The following PRKCI variants were observed in gnomAD, a reference collection of about 807,000 sequenced individuals.
The protein encoded by PRKCI is protein kinase C iota, also known as protein kinase C iota type.
In PRKCI, 43 loss-of-function variants were observed where a neutral mutation model predicts 84.0. That is an observed-to-expected ratio of 0.51 (90% CI 0.40 to 0.66). The LOEUF is 0.66. PRKCI is among the 30% of genes least tolerant of loss of function. The pLI is 0.00. For missense variants in PRKCI, 459 were observed against 745.6 expected (o/e 0.62, Z 4.48); for synonymous variants, 216 against 234.4 (o/e 0.92, Z 0.72).
chr3:170,280,465 G>A (rs1228794972), intron 9 of PRKCI, 62 bp downstream of exon 9: 79 of 1,346,818 alleles, frequency 5.9e-5, no homozygotes, highest in Non-Finnish European at 6.7e-5. Flanking sequence ...TTTTTTTTTT[G>A]AAACGGAGTT....
intron 16 of PRKCI, among the ~76,000 whole-genome samples, chr3:170,298,015 G>A (rs964886183): frequency 1.3e-5 from 2 of 151,724 alleles, no homozygotes; most frequent in African/African-American, 4.8e-5. Flanking sequence ...TGGGATTACA[G>A]GCACACGCCA....
intron 12 of PRKCI, among the ~76,000 whole-genome samples, chr3:170,286,238 A>T (rs28677980): frequency 0.12 from 17,664 of 151,730 alleles, 2,472 homozygotes; most frequent in African/African-American, 0.34. Context: ...TTACGTATTT[A>T]TATTATACAA....
chr3:170,298,940 G>A lies in PRKCI; in HGVS notation c.1588-55G>A, dbSNP rs112018759. ...AATGAGTGCAGAGGAGAACTGTAGA[G>A]GTGGAGTTTTTCTAAGAATACAGAC... is the stretch of plus-strand genomic sequence containing the variant. On this transcript the variant is annotated intron_variant, in intron 16 of 17. Coordinates refer to ENST00000295797, the MANE Select transcript of PRKCI (RefSeq NM_002740.6). 272 of 1,139,386 alleles carry A rather than the reference G, an allele frequency of 2.4e-4. No individual in the cohort carries two copies. In the African/African-American group the frequency reaches 3.7e-3, roughly 15 times the overall value. The allele number at this position is 1,139,386 out of a possible 1,614,324, so 70.6% of individuals were successfully genotyped here.
In PRKCI at chr3:170,252,021, C is replaced by T. The variant is rs374165768; in HGVS notation, c.224-7948C>T. On this transcript the variant is annotated intron_variant, in intron 2 of 17. Transcript: ENST00000295797. Reference sequence around the variant, plus strand: ...CTGAGGTCAGGAGATCGATACCATCCTGGCTAACACAGAGAAACCCTGTCT... The same window carrying T: ...CTGAGGTCAGGAGATCGATACCATCTTGGCTAACACAGAGAAACCCTGTCT... Among the ~76,000 whole-genome samples the T allele has an allele frequency of 4.6e-5, 7 of 152,212 alleles. No homozygotes were observed. In the East Asian group the frequency reaches 1.4e-3, roughly 29 times the overall value.
intron 4 of PRKCI, among the ~76,000 whole-genome samples, chr3:170,263,869 A>G (rs748385084): frequency 6.6e-6 from 1 of 152,196 alleles, no homozygotes; most frequent in Non-Finnish European, 1.5e-5. Flanking sequence ...GTCAATTTAG[A>G]ATATATTAGT....
chr3:170,300,360 C>G (rs1404332640), intron 17 of PRKCI, among the ~76,000 whole-genome samples: 1 of 152,202 alleles, frequency 6.6e-6, no homozygotes, highest in Non-Finnish European at 1.5e-5. Flanking sequence ...TCTTGGAAGA[C>G]TCTCCTTTAC....
At chr3:170,224,794 G>C (rs1324878928) in intron 1 of PRKCI, among the ~76,000 whole-genome samples, 8 of 152,178 alleles carry the variant, frequency 5.3e-5, no homozygotes, top group African/African-American at 1.9e-4. Flanking sequence ...AAATTGCTGG[G>C]ATTACAGGCA....
intron 8 of PRKCI, among the ~76,000 whole-genome samples, chr3:170,279,411 G>T (rs1057329340): frequency 2.0e-5 from 3 of 152,032 alleles, no homozygotes; most frequent in Non-Finnish European, 2.9e-5. Context: ...GTGCTTGCGG[G>T]TTTCTTTATC....
intron 8 of PRKCI, among the ~76,000 whole-genome samples, chr3:170,276,496 G>A (rs1200602131): frequency 1.4e-5 from 2 of 144,434 alleles, no homozygotes; most frequent in Non-Finnish European, 3.0e-5. Flanking sequence ...CAGGATTATT[G>A]CACAGGCACC....
At chr3:170,298,168 C>T (rs1734731880) in intron 16 of PRKCI, among the ~76,000 whole-genome samples, 1 of 152,012 alleles carries the variant, frequency 6.6e-6, no homozygotes, top group South Asian at 2.1e-4. Context: ...CCACCATGCC[C>T]AGCCAAAAAA....
chr3:170,285,234 C>T (rs540254802), intron 12 of PRKCI, among the ~76,000 whole-genome samples: 6 of 152,140 alleles, frequency 3.9e-5, no homozygotes, highest in African/African-American at 1.4e-4. Flanking sequence ...CGCCTGCCAC[C>T]ACGCCCAGCT....
intron 2 of PRKCI, among the ~76,000 whole-genome samples, chr3:170,259,729 C>G (rs768280937): frequency 2.0e-5 from 3 of 152,078 alleles, no homozygotes; most frequent in South Asian, 2.1e-4. Flanking sequence ...TCGCTTGAAC[C>G]TGGGAGGCAG....
chr3:170,227,942 T>C (rs1732677174), intron 1 of PRKCI, among the ~76,000 whole-genome samples: 1 of 152,124 alleles, frequency 6.6e-6, no homozygotes, highest in East Asian at 1.9e-4. Context: ...GTGGAAATTT[T>C]AAGGGGTAGT....
intron 2 of PRKCI, among the ~76,000 whole-genome samples, chr3:170,247,130 T>C (rs1733306593): frequency 6.6e-6 from 1 of 152,106 alleles, no homozygotes; most frequent in Non-Finnish European, 1.5e-5. Flanking sequence ...GGTACAGTCA[T>C]GGCTCACTGC....
intron 17 of PRKCI, 78 bp from the exon 18 acceptor site, chr3:170,302,962 T>G: frequency 9.7e-7 from 1 of 1,029,978 alleles, no homozygotes; most frequent in Non-Finnish European, 1.4e-6. Context: ...AATTACTTGA[T>G]TTTTAATCTT....
chr3:170,298,627 A>C (rs767073107), intron 16 of PRKCI, among the ~76,000 whole-genome samples: 6 of 152,126 alleles, frequency 3.9e-5, no homozygotes, highest in Non-Finnish European at 5.9e-5. Flanking sequence ...GCTGGTCTTG[A>C]ATCCCTGACC....
At chr3:170,236,878 AAAG>A (rs1424769968) in intron 2 of PRKCI, among the ~76,000 whole-genome samples, 32 of 151,558 alleles carry the variant, frequency 2.1e-4, no homozygotes, top group Admixed American at 9.9e-4. Context: ...AAAAAAAAAA[AAAG>A]AAAGAAAAAG....
intron 16 of PRKCI, 53 bp from the exon 17 acceptor site, chr3:170,298,942 T>A (rs1181823619): frequency 8.5e-7 from 1 of 1,172,106 alleles, no homozygotes; most frequent in Admixed American, 1.7e-5. Flanking sequence ...ACTGTAGAGG[T>A]GGAGTTTTTC....
rs72411481 is a variant in PRKCI, at chr3:170,247,730, C to CAAAAAAAA, written c.224-12216_224-12209dup. ...GGGCAACAAGAGCAAAACTCTGTCTCAAAAAAAAAAAAAAAAAAAAAAAAA... is the reference window on the plus strand; with the variant it reads ...GGGCAACAAGAGCAAAACTCTGTCTCAAAAAAAAAAAAAAAAAAAAAAAAAAAAAAAAA... On this transcript the variant is annotated intron_variant, in intron 2 of 17. Transcript: ENST00000295797. Among the ~76,000 whole-genome samples the CAAAAAAAA allele has an allele frequency of 2.2e-4, 6 of 27,906 alleles. 2 individuals are homozygous for CAAAAAAAA. Among genetic ancestry groups the CAAAAAAAA allele is most frequent in the African/African-American group, 8.6e-4 (6 of 6,950 alleles). 18.3% of individuals were successfully genotyped at this position (27,906 alleles called of 152,430 possible). A position where few individuals can be genotyped will look rare whatever the true frequency, so the allele number is the denominator to read the frequency against.
Sources: gnomAD v4.1 joint callset for allele counts (sites outside exome capture counted in the v4.1 genomes callset) on GRCh38, gnomAD v4.1.1 for gene constraint, MANE v1.5 for transcripts, NCBI Gene and HGNC (gene_info 2026-07-23, HGNC 2026-07-21) for gene names.